CFAP70: variants seen among roughly 807,000 people sequenced by gnomAD.
CFAP70 encodes the protein cilia and flagella associated protein 70.
In CFAP70, 81 loss-of-function variants were observed where a neutral mutation model predicts 137.6. That is an observed-to-expected ratio of 0.59 (90% CI 0.49 to 0.71). The LOEUF is 0.71. Among genes scored for constraint, CFAP70 ranks in the 30% least tolerant of loss-of-function variants. CFAP70 has a pLI of 0.00. For missense variants in CFAP70, 976 were observed against 1,226.7 expected, an observed-to-expected ratio of 0.80 and a Z score of 3.05; for synonymous variants, 382 against 423.6, an observed-to-expected ratio of 0.90 and a Z score of 1.20.
At chr10:73,278,929 C>G (rs866619638) in intron 19 of CFAP70, 1 of 147,208 alleles carries the variant, frequency 6.8e-6, no homozygotes, top group Non-Finnish European at 1.5e-5. Flanking sequence ...TGCAGTGAGC[C>G]GAGATCACGT....
At chr10:73,354,551 G>A (rs554581340) in intron 2 of CFAP70, among the ~76,000 whole-genome samples, 183 bp downstream of exon 2, 6 of 152,194 alleles carry the variant, frequency 3.9e-5, no homozygotes, top group South Asian at 2.1e-4. Flanking sequence ...TCAAATTGCC[G>A]GGTATTTGAG....
At chr10:73,337,391 T>A (rs1192550929) in intron 6 of CFAP70, among the ~76,000 whole-genome samples, 1 of 151,816 alleles carries the variant, frequency 6.6e-6, no homozygotes, top group Non-Finnish European at 1.5e-5. Flanking sequence ...GGCTGAGGCA[T>A]GAGAATAGCT....
At chr10:73,338,933 T>G (rs979073991) in intron 6 of CFAP70, among the ~76,000 whole-genome samples, 1 of 151,510 alleles carries the variant, frequency 6.6e-6, no homozygotes. Flanking sequence ...TTTTTTTTTT[T>G]TTTTGAGACA....
chr10:73,298,245 A>G (rs925350628), intron 14 of CFAP70, among the ~76,000 whole-genome samples: 5 of 152,242 alleles, frequency 3.3e-5, no homozygotes, highest in African/African-American at 9.6e-5. Context: ...TAGGATTGTT[A>G]TAAGGATTAA....
At chr10:73,315,470 G>A (rs887830617) in intron 9 of CFAP70, among the ~76,000 whole-genome samples, 9 of 152,022 alleles carry the variant, frequency 5.9e-5, no homozygotes, top group African/African-American at 1.7e-4. Context: ...ATATGTCTTC[G>A]TGTAAATACA....
chr10:73,326,584 T>C (rs1418458319), intron 8 of CFAP70, among the ~76,000 whole-genome samples: 4 of 149,612 alleles, frequency 2.7e-5, no homozygotes, highest in Non-Finnish European at 4.5e-5. Context: ...ATTGATAGAC[T>C]GCTAGCAAGA....
intron 6 of CFAP70, among the ~76,000 whole-genome samples, chr10:73,336,035 C>T (rs555546468): frequency 2.6e-5 from 4 of 151,236 alleles, no homozygotes; most frequent in African/African-American, 4.8e-5. Context: ...CAGCTACTCA[C>T]GAGGCTGAGG....
chr10:73,323,004 A>G (rs1460728864), exon 9 of CFAP70: 1 of 1,613,526 alleles, frequency 6.2e-7, no homozygotes, highest in Non-Finnish European at 8.5e-7. Flanking sequence ...TAAACATGAA[A>G]AGCTCCCCGA....
At chr10:73,360,069 AAAC>A (rs745964858), upstream of CFAP70, among the ~76,000 whole-genome samples, 2 of 152,224 alleles carry the variant, frequency 1.3e-5, no homozygotes, top group Non-Finnish European at 2.9e-5. Context: ...CCAGAAAGGA[AAAC>A]AACATTGTTA....
At chr10:73,259,186 T>A (rs1353434709) in intron 25 of CFAP70, among the ~76,000 whole-genome samples, 2 of 152,072 alleles carry the variant, frequency 1.3e-5, no homozygotes, top group Non-Finnish European at 2.9e-5. Context: ...CTCCTTTTTG[T>A]ACTCTTTCCC....
intron 4 of CFAP70, 125 bp from the exon 6 acceptor site, chr10:73,345,369 G>A (rs2053617144): frequency 1.1e-6 from 1 of 872,650 alleles, no homozygotes; most frequent in African/African-American, 1.7e-5. Flanking sequence ...ATTTCCATAA[G>A]TTGAAACCAT....
At chr10:73,264,650 T>C (rs2045582796) in intron 25 of CFAP70, among the ~76,000 whole-genome samples, 1 of 152,212 alleles carries the variant, frequency 6.6e-6, no homozygotes, top group South Asian at 2.1e-4. Context: ...CCTAAAACTA[T>C]ACTCTAAAAT....
chr10:73,262,858 G>A (rs1429575429), intron 25 of CFAP70, among the ~76,000 whole-genome samples: 1 of 152,044 alleles, frequency 6.6e-6, no homozygotes, highest in African/African-American at 2.4e-5. Flanking sequence ...AAGTATATAT[G>A]TGTGTGTTTA....
chr10:73,332,674 A>G (rs1184986498), intron 7 of CFAP70, among the ~76,000 whole-genome samples: 1 of 152,220 alleles, frequency 6.6e-6, no homozygotes, highest in African/African-American at 2.4e-5. Context: ...CCCCTCTATT[A>G]GAGAAGTTCT....
At chr10:73,349,327 C>T (rs948633292) in intron 3 of CFAP70, among the ~76,000 whole-genome samples, 24 of 151,984 alleles carry the variant, frequency 1.6e-4, no homozygotes, top group African/African-American at 5.8e-4. Context: ...ATCACGAGGT[C>T]AGGAGATCGA....
intron 19 of CFAP70, among the ~76,000 whole-genome samples, chr10:73,290,242 TAATTATGCATAGATAAAAA>T (rs1392932632): frequency 1.3e-5 from 2 of 152,170 alleles, no homozygotes; most frequent in Non-Finnish European, 2.9e-5. Flanking sequence ...AATCTCAAAG[TAATTATGCATAGATAAAAA>T]AGAGTACATA....
At position 73,347,348 on chromosome 10, in the gene CFAP70, G is replaced by A. The variant is rs1034196330; in HGVS notation, c.349+1075C>T. On this transcript the variant is annotated intron_variant, in intron 4 of 26. Coordinates refer to ENST00000310715, the Ensembl canonical transcript of CFAP70. ...CAAGCCATGGGAAGGTTGAACTAGA[G>A]GGAGGTAAAGGTAGGTACGAGGCTA... is the stretch of plus-strand genomic sequence containing the variant. 1.3e-5 allele frequency among the ~76,000 whole-genome samples: 2 copies of A among 152,146 alleles called. 1 individual carries two copies. Among genetic ancestry groups the A allele is most frequent in the Admixed American group, 1.3e-4 (2 of 15,268 alleles).
At chr10:73,360,483 T>G (rs1484957525), upstream of CFAP70, among the ~76,000 whole-genome samples, 4 of 152,140 alleles carry the variant, frequency 2.6e-5, no homozygotes, top group African/African-American at 4.8e-5. Context: ...TTGGGCAACT[T>G]TTCTATACAT....
At chr10:73,331,958 C>T (rs528841235) in intron 7 of CFAP70, among the ~76,000 whole-genome samples, 1 of 152,172 alleles carries the variant, frequency 6.6e-6, no homozygotes, top group African/African-American at 2.4e-5. Flanking sequence ...AGCTCCAATA[C>T]AGCTTTGAAG....
Sources: allele counts gnomAD v4.1 joint callset (sites outside exome capture counted in the v4.1 genomes callset), GRCh38; gene constraint gnomAD v4.1.1; transcripts MANE v1.5; gene names NCBI Gene and HGNC (gene_info 2026-07-23, HGNC 2026-07-21).